The following EML6 variants were observed in gnomAD, a reference collection of about 807,000 sequenced individuals.
EML6 encodes the protein EMAP like 6.
Under a neutral mutation model 240.1 loss-of-function variants are expected in EML6, and 154 were observed. The observed-to-expected ratio is 0.64, with a 90% CI of 0.56 to 0.73. EML6 has a LOEUF of 0.73. EML6 is among the 30% of genes least tolerant of loss of function. The pLI is 0.00. For missense variants in EML6, 2,964 were observed against 2,474.6 expected, an observed-to-expected ratio of 1.20 and a Z score of -4.20; for synonymous variants, 1,148 against 899.0, an observed-to-expected ratio of 1.28 and a Z score of -4.95.
At chr2:54,793,385 C>CTTTTTTT (rs10683746) in intron 2 of EML6, among the ~76,000 whole-genome samples, 7 of 121,804 alleles carry the variant, frequency 5.7e-5, no homozygotes, top group African/African-American at 6.2e-5. Context: ...TATGAGTAGG[C>CTTTTTTT]TTTTTTTTTT....
chr2:54,843,720 G>A (rs1319698085), intron 7 of EML6, among the ~76,000 whole-genome samples: 3 of 151,928 alleles, frequency 2.0e-5, no homozygotes, highest in Non-Finnish European at 4.4e-5. Flanking sequence ...GTGGGCATCT[G>A]TAGTCCCAGC....
chr2:54,946,005 C>T (rs746801954), intron 28 of EML6, among the ~76,000 whole-genome samples: 7 of 152,202 alleles, frequency 4.6e-5, no homozygotes, highest in African/African-American at 1.7e-4. Context: ...AACACCAAGC[C>T]CCAGGCTGGA....
At chr2:54,810,985 C>T (rs545394817) in intron 2 of EML6, among the ~76,000 whole-genome samples, 6 of 152,248 alleles carry the variant, frequency 3.9e-5, no homozygotes, top group South Asian at 2.1e-4. Flanking sequence ...CCTTGTTGCC[C>T]GCACAAAATC....
intron 24 of EML6, among the ~76,000 whole-genome samples, chr2:54,905,152 G>T (rs147083874): frequency 1.0e-3 from 152 of 152,214 alleles, no homozygotes; most frequent in African/African-American, 3.4e-3. Flanking sequence ...ACCAGGCAGG[G>T]CACTGTGACT....
rs548242983 is a variant in EML6, at chr2:54,935,477, T to A, written c.4004+6726T>A. On this transcript the variant is annotated intron_variant, in intron 28 of 41. Coordinates refer to ENST00000356458, the MANE Select transcript of EML6 (RefSeq NM_001039753.4). Reference sequence around the variant, plus strand: ...TACCTAGTATTATATCTGCATAACTTTTTAAAAATCAGAGATGGCCAGCAA... The same window carrying A: ...TACCTAGTATTATATCTGCATAACTATTTAAAAATCAGAGATGGCCAGCAA... Among the ~76,000 whole-genome samples, 589 of 152,342 alleles carry A rather than the reference T, an allele frequency of 3.9e-3. 4 individuals carry two copies. Among genetic ancestry groups the A allele is most frequent in the Non-Finnish European group, 5.6e-3 (383 of 68,022 alleles).
chr2:54,896,270 A>C (rs1308774221), intron 21 of EML6, among the ~76,000 whole-genome samples: 2 of 152,164 alleles, frequency 1.3e-5, no homozygotes, highest in Non-Finnish European at 2.9e-5. Context: ...TCCGTCCATA[A>C]AATGAACAAG....
chr2:54,968,721 C>A lies in EML6; in HGVS notation c.5805C>A (p.Phe1935Leu), dbSNP rs1032742839. Residue 1935 changes from phenylalanine (F) to leucine (L), a missense_variant, in exon 41 of 42, where the codon TTC becomes TTA. Coordinates refer to ENST00000356458, the MANE Select transcript of EML6 (RefSeq NM_001039753.4). ...GHSAHVTNIR[F>L]SYDDKYVVST... ...CGGCTCACGTGACGAACATCCGTTTCTCTTATGATGACAAGTATGTGGTCA... is the reference window on the plus strand; with the variant it reads ...CGGCTCACGTGACGAACATCCGTTTATCTTATGATGACAAGTATGTGGTCA... 1 of 1,551,402 alleles carries A rather than the reference C, an allele frequency of 6.4e-7. No homozygotes were observed. The highest frequency in any genetic ancestry group is 2.4e-5 in the East Asian group (1 of 40,916).
chr2:54,848,284 G>T (rs546198442), intron 9 of EML6, among the ~76,000 whole-genome samples: 2 of 152,084 alleles, frequency 1.3e-5, no homozygotes, highest in African/African-American at 4.8e-5. Context: ...CACATGTTTT[G>T]TAATTATAGA....
chr2:54,741,045 G>C (rs1393938449), intron 2 of EML6, among the ~76,000 whole-genome samples: 2 of 151,996 alleles, frequency 1.3e-5, no homozygotes, highest in Admixed American at 1.3e-4. Flanking sequence ...TTAAACAAAC[G>C]TGTTCAGTGC....
At chr2:54,903,295 T>A in intron 23 of EML6, 76 bp from the exon 24 acceptor site, 1 of 1,527,330 alleles carries the variant, frequency 6.5e-7, no homozygotes, top group Non-Finnish European at 8.8e-7. Context: ...ATTTTCCCAC[T>A]TTTAAAATAC....
chr2:54,880,872 A>G, intron 17 of EML6: 1 of 152,138 alleles, frequency 6.6e-6, no homozygotes, highest in East Asian at 1.9e-4. Flanking sequence ...CAGAAATGCA[A>G]TTTTCCTGCT....
At chr2:54,882,845 C>G (rs1406643599) in intron 17 of EML6, 2 of 7,868 alleles carry the variant, frequency 2.5e-4, no homozygotes, top group Admixed American at 3.0e-3. Context: ...GCGGCAGAGC[C>G]AGACTCCGTC....
At chr2:54,929,908 G>T (rs1388534191) in intron 28 of EML6, among the ~76,000 whole-genome samples, 1 of 152,250 alleles carries the variant, frequency 6.6e-6, no homozygotes, top group East Asian at 1.9e-4. Context: ...GTGGTCTTCA[G>T]AGTTCATTTT....
rs560249703 is a variant in EML6, at chr2:54,971,564, G to C, written c.*1469G>C. On this transcript the variant is annotated 3_prime_UTR_variant, in exon 42 of 42. Coordinates refer to ENST00000356458, the MANE Select transcript of EML6 (RefSeq NM_001039753.4). ...ACAGAAGTGCTTCAGCATTCTAAAT[G>C]GATTAGATCACTCATTAAGCTATTT... The C allele has an allele frequency of 2.0e-5, 3 of 152,294 alleles. No individual in the cohort carries two copies. Among genetic ancestry groups the C allele is most frequent in the East Asian group, 3.9e-4 (2 of 5,180 alleles). 9.4% of individuals were successfully genotyped at this position (152,294 alleles called of 1,614,324 possible).
chr2:54,968,401 A>T lies in EML6; in HGVS notation c.5751+120A>T. 3 of 972,210 alleles carry T rather than the reference A, an allele frequency of 3.1e-6. No homozygotes were observed. The South Asian group carries it at 4.7e-5, about 15-fold the overall frequency. The allele number at this position is 972,210 out of a possible 1,614,324, so 60.2% of individuals were successfully genotyped here. A position where few individuals can be genotyped will look rare whatever the true frequency, so the allele number is the denominator to read the frequency against. The stretch of plus-strand genomic sequence containing the variant: ...GAGAAACCCTGTCCCGGTACAGTGG[A>T]AATATGGCAATGAGTTTTTCACCTC... On this transcript the variant is annotated intron_variant, in intron 40 of 41. Transcript: ENST00000356458.
At chr2:54,839,681 A>T (rs1468417734) in intron 7 of EML6, among the ~76,000 whole-genome samples, 1 of 152,188 alleles carries the variant, frequency 6.6e-6, no homozygotes, top group Admixed American at 6.5e-5. Context: ...GTGTCAAGGG[A>T]AATGCAGCAG....
At chr2:54,747,810 G>A (rs1242841433) in intron 2 of EML6, among the ~76,000 whole-genome samples, 1 of 152,024 alleles carries the variant, frequency 6.6e-6, no homozygotes, top group Non-Finnish European at 1.5e-5. Flanking sequence ...TGAGATACAT[G>A]TGAAAAAATG....
intron 7 of EML6, among the ~76,000 whole-genome samples, chr2:54,830,714 CA>C (rs1277724735): frequency 6.6e-6 from 1 of 152,192 alleles, no homozygotes. Flanking sequence ...TTGTTTGCAG[CA>C]AAACTTTGCC....
At chr2:54,860,637 C>T (rs571552941) in intron 12 of EML6, among the ~76,000 whole-genome samples, 144 of 152,296 alleles carry the variant, frequency 9.5e-4, no homozygotes, top group South Asian at 1.4e-3. Flanking sequence ...TTTATAGCTT[C>T]CACTCAAGGA....
Sources: gnomAD v4.1 joint callset for allele counts (sites outside exome capture counted in the v4.1 genomes callset) on GRCh38, gnomAD v4.1.1 for gene constraint, MANE v1.5 for transcripts, NCBI Gene and HGNC (gene_info 2026-07-23, HGNC 2026-07-21) for gene names.